SEMA3A: variants seen among roughly 807,000 people sequenced by gnomAD.
The protein encoded by SEMA3A is semaphorin 3A.
In SEMA3A, 29 loss-of-function variants were observed where a neutral mutation model predicts 97.9. The ratio of observed to expected loss-of-function variants is 0.30; its 90% CI spans 0.22 to 0.40. SEMA3A has a LOEUF of 0.40. SEMA3A is among the 10% of genes least tolerant of loss of function. The probability of loss-of-function intolerance (pLI) is 1.00; values close to 1 mark genes in which losing one functional copy is unlikely to be tolerated. For synonymous variants in SEMA3A, 321 were observed against 323.7 expected, an observed-to-expected ratio of 0.99 and a Z score of 0.09; for missense variants, 763 against 951.3, an observed-to-expected ratio of 0.80 and a Z score of 2.60.
chr7:84,147,521 A>G (rs1053475807), intron 1 of SEMA3A, among the ~76,000 whole-genome samples: 2 of 152,178 alleles, frequency 1.3e-5, no homozygotes, highest in Non-Finnish European at 2.9e-5. Flanking sequence ...GAGAAGAAAG[A>G]GAGCTCAGGA....
chr7:84,461,468 T>TA (rs933309748), intron 1 of SEMA3A, among the ~76,000 whole-genome samples: 1 of 151,970 alleles, frequency 6.6e-6, no homozygotes, highest in African/African-American at 2.4e-5. Context: ...GGAAAGCTTT[T>TA]TTTTTTTACA....
At chr7:84,370,186 A>C (rs2116098062) in intron 2 of SEMA3A, among the ~76,000 whole-genome samples, 1 of 151,732 alleles carries the variant, frequency 6.6e-6, no homozygotes, top group African/African-American at 2.4e-5. Context: ...CTGCAGGCAA[A>C]GGAAGCAATT....
At chr7:84,198,256 C>G (rs906135093), upstream of SEMA3A, among the ~76,000 whole-genome samples, 4 of 151,698 alleles carry the variant, frequency 2.6e-5, no homozygotes, top group Non-Finnish European at 5.9e-5. Flanking sequence ...AGTGCAGTGG[C>G]ACGATCTCGA....
At chr7:84,300,397 CA>C (rs1191539084) in intron 3 of SEMA3A, among the ~76,000 whole-genome samples, 6 of 151,848 alleles carry the variant, frequency 4.0e-5, no homozygotes, top group African/African-American at 1.5e-4. Context: ...AAGCAAATCC[CA>C]AAAGGCATAA....
intron 12 of SEMA3A, among the ~76,000 whole-genome samples, chr7:83,994,630 G>C (rs6962555): frequency 0.71 from 99,663 of 139,446 alleles, 36,568 homozygotes; most frequent in East Asian, 0.87. Context: ...GGCTGCTCCG[G>C]GATCAGGGGT....
At chr7:84,104,010 A>AAT (rs2115911625) in intron 4 of SEMA3A, among the ~76,000 whole-genome samples, 1 of 152,248 alleles carries the variant, frequency 6.6e-6, no homozygotes, top group East Asian at 1.9e-4. Flanking sequence ...GTAGGAGATA[A>AAT]ATAACTCCAG....
intron 3 of SEMA3A, among the ~76,000 whole-genome samples, chr7:84,255,008 G>A (rs560293110): frequency 1.3e-5 from 2 of 152,194 alleles, no homozygotes; most frequent in South Asian, 2.1e-4. Flanking sequence ...GACTGCTGGG[G>A]AAAAGGTTCA....
intron 12 of SEMA3A, among the ~76,000 whole-genome samples, chr7:83,995,294 GAGCTGTAGACCGA>G (rs1188669490): frequency 6.6e-6 from 1 of 152,040 alleles, no homozygotes; most frequent in African/African-American, 2.4e-5. Context: ...CTCACTCTGG[GAGCTGTAGACCGA>G]AGCTGTTCCT....
intron 2 of SEMA3A, among the ~76,000 whole-genome samples, chr7:84,327,055 G>C (rs1801791273): frequency 6.6e-6 from 1 of 151,684 alleles, no homozygotes; most frequent in African/African-American, 2.4e-5. Context: ...TGCAAACTAG[G>C]CACCTAACAA....
chr7:84,347,718 C>G (rs1321411275), intron 2 of SEMA3A, among the ~76,000 whole-genome samples: 1 of 151,706 alleles, frequency 6.6e-6, no homozygotes, highest in African/African-American at 2.4e-5. Context: ...CTCTTCAAAG[C>G]TTTTTTTTAG....
chr7:84,464,091 C>A (rs1805932088), intron 1 of SEMA3A, among the ~76,000 whole-genome samples: 1 of 151,936 alleles, frequency 6.6e-6, no homozygotes, highest in South Asian at 2.1e-4. Context: ...TCTTTAAACT[C>A]AAAAAAATGT....
intron 3 of SEMA3A, among the ~76,000 whole-genome samples, chr7:84,290,885 C>T (rs977933696): frequency 6.6e-6 from 1 of 152,024 alleles, no homozygotes; most frequent in Admixed American, 6.6e-5. Flanking sequence ...TTCTTTGCCC[C>T]TAAAATCTTA....
chr7:84,350,021 C>G (rs1257465319), intron 2 of SEMA3A, among the ~76,000 whole-genome samples: 1 of 152,102 alleles, frequency 6.6e-6, no homozygotes, highest in Middle Eastern at 3.2e-3. Context: ...CCAAATCCCC[C>G]CAAATTGGCC....
intron 1 of SEMA3A, among the ~76,000 whole-genome samples, chr7:84,388,262 G>A (rs753636650): frequency 2.6e-5 from 4 of 151,794 alleles, no homozygotes; most frequent in Non-Finnish European, 5.9e-5. Flanking sequence ...AAGCCGTTTT[G>A]GATTCTGATA....
intron 1 of SEMA3A, among the ~76,000 whole-genome samples, chr7:84,143,924 CT>C (rs1796378935): frequency 1.9e-4 from 14 of 72,972 alleles, no homozygotes; most frequent in African/African-American, 5.0e-4. Flanking sequence ...GTCCTAATCT[CT>C]CTCTCTCTCT....
intron 3 of SEMA3A, among the ~76,000 whole-genome samples, chr7:84,126,790 T>C (rs75674139): frequency 0.035 from 5,282 of 152,272 alleles, 117 homozygotes; most frequent in South Asian, 0.07. Flanking sequence ...CTATTAGAGT[T>C]GTTTCTCACA....
intron 2 of SEMA3A, among the ~76,000 whole-genome samples, chr7:84,361,792 G>T (rs1021028333): frequency 6.6e-6 from 1 of 151,892 alleles, no homozygotes; most frequent in African/African-American, 2.4e-5. Context: ...CATCTTTATG[G>T]GTAGGCCAGG....
chr7:84,412,456 T>G (rs1483672035), intron 1 of SEMA3A, among the ~76,000 whole-genome samples: 2 of 152,154 alleles, frequency 1.3e-5, no homozygotes, highest in Admixed American at 6.6e-5. Flanking sequence ...GGGGTCACAT[T>G]TTTACATTCT....
intron 6 of SEMA3A, 87 bp from the exon 7 acceptor site, chr7:84,014,438 CTTAA>C (rs1326149067): frequency 7.0e-6 from 7 of 995,122 alleles, no homozygotes; most frequent in East Asian, 2.7e-5. Context: ...TTTTTTAACT[CTTAA>C]TTGATATATT....
Sources: gnomAD v4.1 joint callset for allele counts (sites outside exome capture counted in the v4.1 genomes callset) on GRCh38, gnomAD v4.1.1 for gene constraint, MANE v1.5 for transcripts, NCBI Gene and HGNC (gene_info 2026-07-23, HGNC 2026-07-21) for gene names.